Variants in NXPH2 observed in about 807,000 individuals in gnomAD.
NXPH2 encodes the protein neurexophilin 2.
NXPH2 carries 5 observed loss-of-function variants against 19.8 expected under a neutral mutation model. The ratio of observed to expected loss-of-function variants is 0.25; its 90% CI spans 0.13 to 0.53. The LOEUF (loss-of-function observed/expected upper bound fraction) is 0.53, where lower values mean the gene tolerates loss of function less well. NXPH2 is among the 20% of genes least tolerant of loss of function. The pLI, the probability that NXPH2 is intolerant of heterozygous loss-of-function variation, is 0.96. For missense variants in NXPH2, 289 were observed against 322.8 expected (o/e 0.90, Z 0.80); for synonymous variants, 154 against 127.4 (o/e 1.21, Z -1.41).
chr2:138,743,119 G>A (rs1350616901), intron 1 of NXPH2, among the ~76,000 whole-genome samples: 2 of 152,196 alleles, frequency 1.3e-5, no homozygotes, highest in Non-Finnish European at 2.9e-5. Flanking sequence ...AGAGAGGTAT[G>A]CTACTGTCAA....
At chr2:138,732,640 C>T (rs1037844668) in intron 1 of NXPH2, among the ~76,000 whole-genome samples, 2 of 152,134 alleles carry the variant, frequency 1.3e-5, no homozygotes, top group African/African-American at 4.8e-5. Context: ...TTACAAGACA[C>T]GCTAAGGTTT....
chr2:138,731,271 T>C (rs1681444596), intron 1 of NXPH2, among the ~76,000 whole-genome samples: 1 of 152,182 alleles, frequency 6.6e-6, no homozygotes, highest in South Asian at 2.1e-4. Context: ...AGTTCAGTAT[T>C]GCTGTGTTCT....
chr2:138,769,925 C>T (rs552444608), intron 1 of NXPH2, among the ~76,000 whole-genome samples: 16 of 152,078 alleles, frequency 1.1e-4, no homozygotes, highest in East Asian at 9.6e-4. Flanking sequence ...CAAAACAGGG[C>T]GCAAATTCAC....
At chr2:138,673,292 A>G (rs557401207) in intron 1 of NXPH2, among the ~76,000 whole-genome samples, 1 of 152,286 alleles carries the variant, frequency 6.6e-6, no homozygotes, top group African/African-American at 2.4e-5. Flanking sequence ...TTCCCCAGGG[A>G]AAGAGGGATC....
intron 1 of NXPH2, among the ~76,000 whole-genome samples, chr2:138,689,339 A>G (rs186402973): frequency 2.6e-4 from 40 of 152,230 alleles, no homozygotes; most frequent in Non-Finnish European, 4.6e-4. Flanking sequence ...CCAGAGGAGG[A>G]GAGTGGTTGG....
At chr2:138,725,192 C>T (rs1479687028) in intron 1 of NXPH2, among the ~76,000 whole-genome samples, 1 of 152,146 alleles carries the variant, frequency 6.6e-6, no homozygotes, top group Non-Finnish European at 1.5e-5. Flanking sequence ...TACTTTAATC[C>T]TCTGTGAGTT....
intron 1 of NXPH2, among the ~76,000 whole-genome samples, chr2:138,708,914 T>G (rs1293111659): frequency 6.6e-6 from 1 of 152,242 alleles, no homozygotes. Flanking sequence ...ACTTAAGCTG[T>G]GTCCATGCAC....
intron 1 of NXPH2, among the ~76,000 whole-genome samples, chr2:138,776,706 C>G (rs982277777): frequency 6.7e-6 from 1 of 148,664 alleles, no homozygotes. Flanking sequence ...GTTTATTGAT[C>G]AAGGCTGTAT....
intron 1 of NXPH2, among the ~76,000 whole-genome samples, chr2:138,713,740 C>T (rs1681145215): frequency 6.6e-6 from 1 of 152,070 alleles, no homozygotes; most frequent in East Asian, 1.9e-4. Flanking sequence ...GACAGGACAG[C>T]AGGGACAGAG....
chr2:138,670,909 C>T lies in NXPH2; in HGVS notation c.*13G>A, dbSNP rs757882762. On this transcript the variant is annotated 3_prime_UTR_variant, in exon 2 of 2. Coordinates refer to ENST00000272641, the MANE Select transcript of NXPH2 (RefSeq NM_007226.3). ...ATACATATGTATCCCTCATTTCCAC[C>T]ACAGCAGGAAGATCAGCCAGAAGAT... is the stretch of plus-strand genomic sequence containing the variant. 2.5e-6 allele frequency: 4 copies of T among 1,604,820 alleles called. No homozygotes were observed. The South Asian group carries it at 4.5e-5, about 18-fold the overall frequency.
At chr2:138,672,320 A>T (rs1042140986) in intron 1 of NXPH2, among the ~76,000 whole-genome samples, 1 of 152,216 alleles carries the variant, frequency 6.6e-6, no homozygotes, top group Non-Finnish European at 1.5e-5. Flanking sequence ...TTTTGAATTA[A>T]TAGGTTATAT....
At chr2:138,750,837 C>A (rs1681818675) in intron 1 of NXPH2, among the ~76,000 whole-genome samples, 1 of 152,136 alleles carries the variant, frequency 6.6e-6, no homozygotes, top group Admixed American at 6.6e-5. Context: ...CCCACCAAAT[C>A]TCATATTGAA....
At chr2:138,719,203 T>C (rs1442756293) in intron 1 of NXPH2, among the ~76,000 whole-genome samples, 2 of 152,154 alleles carry the variant, frequency 1.3e-5, no homozygotes, top group African/African-American at 4.8e-5. Flanking sequence ...GATATGTCTA[T>C]ATATATTTTT....
At chr2:138,752,551 T>C (rs1417118749) in intron 1 of NXPH2, among the ~76,000 whole-genome samples, 3 of 152,160 alleles carry the variant, frequency 2.0e-5, no homozygotes, top group African/African-American at 7.2e-5. Context: ...CTAATTTCCC[T>C]AGTTTCAACA....
intron 1 of NXPH2, among the ~76,000 whole-genome samples, chr2:138,680,533 G>T (rs1208037008): frequency 6.6e-6 from 1 of 152,188 alleles, no homozygotes; most frequent in East Asian, 1.9e-4. Flanking sequence ...CAGACAATTT[G>T]CAGACAGCAA....
At chr2:138,763,114 C>T (rs1051993802) in intron 1 of NXPH2, among the ~76,000 whole-genome samples, 1 of 152,050 alleles carries the variant, frequency 6.6e-6, no homozygotes, top group East Asian at 1.9e-4. Context: ...TTGGAAAAGA[C>T]AGTAAGATAG....
At chr2:138,764,309 C>A (rs1682061040) in intron 1 of NXPH2, among the ~76,000 whole-genome samples, 1 of 152,150 alleles carries the variant, frequency 6.6e-6, no homozygotes, top group African/African-American at 2.4e-5. Context: ...CCAGGGGTCT[C>A]CAAACCTGGC....
chr2:138,690,891 C>T (rs763905274), intron 1 of NXPH2, among the ~76,000 whole-genome samples: 4 of 152,196 alleles, frequency 2.6e-5, no homozygotes, highest in Non-Finnish European at 4.4e-5. Context: ...AAACCCAACA[C>T]GAGATGCACC....
chr2:138,765,239 G>C (rs906936168), intron 1 of NXPH2, among the ~76,000 whole-genome samples: 4 of 152,198 alleles, frequency 2.6e-5, no homozygotes, highest in Admixed American at 2.6e-4. Context: ...ACTGTGAAGG[G>C]TACAGAAGCC....
Sources: allele counts gnomAD v4.1 joint callset (sites outside exome capture counted in the v4.1 genomes callset), GRCh38; gene constraint gnomAD v4.1.1; transcripts MANE v1.5; gene names NCBI Gene and HGNC (gene_info 2026-07-23, HGNC 2026-07-21).